The following CDC42 variants were observed in gnomAD, a reference collection of about 807,000 sequenced individuals.
CDC42 encodes cell division control protein 42 homolog.
Under a neutral mutation model 20.8 loss-of-function variants are expected in CDC42, and 1 was observed. The observed-to-expected ratio is 0.05, with a 90% confidence interval of 0.02 to 0.23. The LOEUF is 0.23. Among genes scored for constraint, CDC42 ranks in the 10% least tolerant of loss-of-function variants. The probability of loss-of-function intolerance (pLI) is 1.00; values close to 1 mark genes in which losing one functional copy is unlikely to be tolerated. For synonymous variants in CDC42, 72 were observed against 84.8 expected, an observed-to-expected ratio of 0.85 and a Z score of 0.83; for missense variants, 49 against 227.9, an observed-to-expected ratio of 0.21 and a Z score of 5.05.
At chr1:22,090,683 G>A (rs1260927054) in intron 5 of CDC42, 1 of 985,196 alleles carries the variant, frequency 1.0e-6, no homozygotes, top group Non-Finnish European at 1.2e-6. Flanking sequence ...CTTACAGTTT[G>A]TTAATGCTGA....
chr1:22,078,633 T>G, intron 2 of CDC42, 50 bp downstream of exon 2: 1 of 1,564,452 alleles, frequency 6.4e-7, no homozygotes, highest in South Asian at 1.2e-5. Context: ...AAATTTGATA[T>G]CCTTTTGAAA....
chr1:22,073,357 C>T (rs1462525786), intron 1 of CDC42, among the ~76,000 whole-genome samples: 8 of 151,174 alleles, frequency 5.3e-5, no homozygotes, highest in South Asian at 4.2e-4. Flanking sequence ...GCCAATGTGG[C>T]GAAACCCCGT....
intron 5 of CDC42, among the ~76,000 whole-genome samples, chr1:22,087,465 T>C (rs537730659): frequency 2.6e-5 from 4 of 152,314 alleles, no homozygotes; most frequent in South Asian, 4.1e-4. Context: ...TTTTGTAGTT[T>C]GATGGGAAAC....
intron 1 of CDC42, among the ~76,000 whole-genome samples, chr1:22,058,024 C>T (rs765855879): frequency 1.3e-5 from 2 of 152,144 alleles, no homozygotes; most frequent in African/African-American, 2.4e-5. Flanking sequence ...CGCTGCATTC[C>T]GGCCTCCTTT....
chr1:22,097,671 A>G lies in CDC42; in HGVS notation c.*6154A>G, dbSNP rs530381319. The stretch of plus-strand genomic sequence containing the variant: ...ATCAGGTAATTTGTGCATTAGAACT[A>G]GCTTGGAACAGAATGGGTAAACTTC... On this transcript the variant is annotated 3_prime_UTR_variant, in exon 6 of 6. Transcript: ENST00000656825. Among the ~76,000 whole-genome samples the G allele has an allele frequency of 1.3e-5, 2 of 152,356 alleles. No individual in the cohort carries two copies. The highest frequency in any genetic ancestry group is 2.1e-4 in the South Asian group (1 of 4,834).
At position 22,086,659 on chromosome 1, in the gene CDC42, CT is replaced by C. The variant is rs1349667730; in HGVS notation, c.289-3del. 5.0e-6 allele frequency: 8 copies of C among 1,612,768 alleles called. No homozygotes were observed. The highest frequency in any genetic ancestry group is 1.7e-5 in the Admixed American group (1 of 59,906). The stretch of plus-strand genomic sequence containing the variant: ...TTAACAAAGGTGTATTTTAAAATAC[CT>C]TTTTTTAGTGGGTGCCTGAGATAAC... On this transcript the variant is annotated splice_polypyrimidine_tract_variant and intron_variant, in intron 4 of 5. Transcript: ENST00000656825.
At chr1:22,087,561 A>G (rs985051479) in intron 5 of CDC42, among the ~76,000 whole-genome samples, 9 of 152,180 alleles carry the variant, frequency 5.9e-5, no homozygotes, top group African/African-American at 1.4e-4. Flanking sequence ...TTTCACCTTC[A>G]TGATATCGCT....
At chr1:22,084,620 G>A (rs180760665) in intron 3 of CDC42, among the ~76,000 whole-genome samples, 10 of 151,690 alleles carry the variant, frequency 6.6e-5, no homozygotes, top group East Asian at 3.9e-4. Context: ...TGTGGGTTGC[G>A]TTTTTATTCT....
At chr1:22,073,538 C>CA (rs879917377) in intron 1 of CDC42, among the ~76,000 whole-genome samples, 1,011 of 92,162 alleles carry the variant, frequency 0.011, 4 homozygotes, top group African/African-American at 0.029. Flanking sequence ...AACTCTGTCT[C>CA]AAAAAAAAAA....
At chr1:22,089,965 A>G in intron 5 of CDC42, 1 of 1,613,984 alleles carries the variant, frequency 6.2e-7, no homozygotes, top group Non-Finnish European at 8.5e-7. Flanking sequence ...AATGTGTTTG[A>G]TGAGGCTATC....
chr1:22,089,805 T>A, intron 5 of CDC42: 1 of 807,386 alleles, frequency 1.2e-6, no homozygotes, highest in East Asian at 2.7e-5. Context: ...GGGCTTAAGA[T>A]CTAGCATTCT....
rs796098391 is a variant in CDC42 at position 22,100,492 on chromosome 1, G to A, written c.*8975G>A. Reference sequence around the variant, plus strand: ...CAGGCAAGTAACTTAAATGCTCTGAGTGTTGCATTCTCTGTGAAGTGGAAA... The same window carrying A: ...CAGGCAAGTAACTTAAATGCTCTGAATGTTGCATTCTCTGTGAAGTGGAAA... On this transcript the variant is annotated 3_prime_UTR_variant, in exon 6 of 6. Transcript: ENST00000656825. 1 of 152,230 alleles carries A rather than the reference G, an allele frequency of 6.6e-6. No individual in the cohort carries two copies. The highest frequency in any genetic ancestry group is 2.4e-5 in the African/African-American group (1 of 41,444). The allele number at this position is 152,230 out of a possible 1,614,324, so 9.4% of individuals were successfully genotyped here.
chr1:22,055,277 A>G (rs1377640126), intron 1 of CDC42, among the ~76,000 whole-genome samples: 1 of 151,044 alleles, frequency 6.6e-6, no homozygotes. Flanking sequence ...TTATACTGAG[A>G]TGGAGATAAG....
At chr1:22,058,427 C>T (rs1165112157) in intron 1 of CDC42, among the ~76,000 whole-genome samples, 2 of 151,794 alleles carry the variant, frequency 1.3e-5, no homozygotes, top group African/African-American at 2.4e-5. Flanking sequence ...TGCTTCCTGC[C>T]TATTACGTAG....
chr1:22,089,893 CT>C, intron 5 of CDC42: 2 of 1,589,748 alleles, frequency 1.3e-6, no homozygotes, highest in Non-Finnish European at 1.7e-6. Context: ...GCTAGTCTTT[CT>C]AATCCTCTAA....
At position 22,098,064 on chromosome 1, in the gene CDC42, C is replaced by T. The variant is rs1248036442; in HGVS notation, c.*6547C>T. Among the ~76,000 whole-genome samples, 2 of 152,136 alleles carry T rather than the reference C, an allele frequency of 1.3e-5. No individual in the cohort carries two copies. The highest frequency in any genetic ancestry group is 2.1e-4 in the South Asian group (1 of 4,816). ...CGTCCCGCAGAGCAGTGCTTTTTCT[C>T]GGTGTGAACTGTGGATCACTTGTCT... On this transcript the variant is annotated 3_prime_UTR_variant, in exon 6 of 6. Transcript: ENST00000656825.
intron 2 of CDC42, among the ~76,000 whole-genome samples, chr1:22,081,046 G>A (rs1332850859): frequency 1.3e-5 from 2 of 152,152 alleles, no homozygotes; most frequent in African/African-American, 2.4e-5. Context: ...GCATGCACCT[G>A]TAGTCCCAGC....
chr1:22,088,208 GA>G (rs1645679890), intron 5 of CDC42, among the ~76,000 whole-genome samples: 1 of 152,200 alleles, frequency 6.6e-6, no homozygotes, highest in Non-Finnish European at 1.5e-5. Context: ...GGAGACAAGG[GA>G]AAGTCATGTG....
chr1:22,055,200 G>A (rs1260724271), intron 1 of CDC42, among the ~76,000 whole-genome samples: 5 of 151,152 alleles, frequency 3.3e-5, no homozygotes, highest in Admixed American at 2.0e-4. Context: ...TGATCCGCCC[G>A]CCTCGTCCCC....
Sources: allele counts gnomAD v4.1 joint callset (sites outside exome capture counted in the v4.1 genomes callset), GRCh38; gene constraint gnomAD v4.1.1; transcripts MANE v1.5; gene names NCBI Gene and HGNC (gene_info 2026-07-23, HGNC 2026-07-21).